The following FNDC3B variants were observed in gnomAD, a reference collection of about 807,000 sequenced individuals.
The protein encoded by FNDC3B is fibronectin type III domain-containing protein 3B.
In FNDC3B, 12 loss-of-function variants were observed where a neutral mutation model predicts 151.5. That is an observed-to-expected ratio of 0.08 (90% CI 0.05 to 0.13). FNDC3B has a LOEUF of 0.13. Ranked by LOEUF, FNDC3B falls within the 10% of genes least tolerant of loss-of-function variation. FNDC3B has a pLI of 1.00. For synonymous variants in FNDC3B, 528 were observed against 549.0 expected (o/e 0.96, Z 0.54); for missense variants, 1,214 against 1,505.3 (o/e 0.81, Z 3.20).
chr3:172,239,122 T>C (rs565169526), intron 4 of FNDC3B, among the ~76,000 whole-genome samples: 1 of 152,182 alleles, frequency 6.6e-6, no homozygotes, highest in Admixed American at 6.5e-5. Context: ...ACTGAAAGTC[T>C]TCTGTGTGCC....
chr3:172,269,435 AT>A (rs377668715), intron 6 of FNDC3B, among the ~76,000 whole-genome samples: 2,401 of 53,050 alleles, frequency 0.045, 36 homozygotes, highest in African/African-American at 0.19. Flanking sequence ...ATTAAAAAAA[AT>A]TTTTTTTTTT....
intron 9 of FNDC3B, among the ~76,000 whole-genome samples, chr3:172,300,478 C>A (rs542265518): frequency 2.0e-5 from 3 of 151,094 alleles, no homozygotes; most frequent in Admixed American, 6.6e-5. Context: ...TTTTTTTAAA[C>A]CCTTATTACA....
intron 1 of FNDC3B, among the ~76,000 whole-genome samples, chr3:172,090,829 T>G (rs957923979): frequency 6.6e-6 from 1 of 152,208 alleles, no homozygotes; most frequent in Non-Finnish European, 1.5e-5. Flanking sequence ...CTTTGTTTCA[T>G]GTATAATATT....
chr3:172,086,227 G>C (rs959204485), intron 1 of FNDC3B, among the ~76,000 whole-genome samples: 1 of 152,050 alleles, frequency 6.6e-6, no homozygotes, highest in East Asian at 1.9e-4. Context: ...GGGTATGGTG[G>C]CACACACCTG....
At chr3:172,134,442 A>G (rs987881242) in intron 3 of FNDC3B, 4 of 512,464 alleles carry the variant, frequency 7.8e-6, no homozygotes, top group African/African-American at 7.7e-5. Context: ...TGCAATTGAG[A>G]TCAGTATTAG....
chr3:172,171,196 C>A (rs1723263337), intron 3 of FNDC3B, among the ~76,000 whole-genome samples: 1 of 152,164 alleles, frequency 6.6e-6, no homozygotes, highest in African/African-American at 2.4e-5. Context: ...ACATGCCAGA[C>A]AAGTACATAA....
chr3:172,164,849 G>A (rs1292112921), intron 3 of FNDC3B, among the ~76,000 whole-genome samples: 1 of 152,152 alleles, frequency 6.6e-6, no homozygotes, highest in Admixed American at 6.5e-5. Context: ...ACAAATTACT[G>A]TGTTTATTTC....
At chr3:172,222,814 C>T (rs556183913) in intron 3 of FNDC3B, among the ~76,000 whole-genome samples, 6 of 152,238 alleles carry the variant, frequency 3.9e-5, no homozygotes, top group Admixed American at 6.5e-5. Flanking sequence ...GGGGATTGGG[C>T]GCCCCTGCTC....
intron 3 of FNDC3B, among the ~76,000 whole-genome samples, chr3:172,147,471 T>A (rs1721975302): frequency 6.6e-6 from 1 of 152,188 alleles, no homozygotes; most frequent in Non-Finnish European, 1.5e-5. Flanking sequence ...CTAGCTCGAA[T>A]GGTGTAGGTC....
At chr3:172,121,721 G>A (rs1720555501) in intron 2 of FNDC3B, among the ~76,000 whole-genome samples, 2 of 152,088 alleles carry the variant, frequency 1.3e-5, no homozygotes, top group Non-Finnish European at 2.9e-5. Context: ...TTTATTTAAA[G>A]CATTTATGTA....
rs771750047 is a variant in FNDC3B, at chr3:172,160,542, A to T, written c.187+26996A>T. ...ATACTGCTTTCCGAATTTCACTAAT[A>T]TTGGCCAGCTCCTTTTAGAGTTGCC... On this transcript the variant is annotated intron_variant, in intron 3 of 25. Transcript: ENST00000415807. Among the ~76,000 whole-genome samples the T allele has an allele frequency of 2.0e-5, 3 of 152,236 alleles. No homozygotes were observed. In the South Asian group the frequency reaches 6.2e-4, roughly 32 times the overall value.
chr3:172,362,303 G>C (rs1322724256), intron 22 of FNDC3B, among the ~76,000 whole-genome samples: 4 of 152,104 alleles, frequency 2.6e-5, no homozygotes, highest in Admixed American at 2.0e-4. Flanking sequence ...CTGACCATGA[G>C]GTAGCTAAAC....
intron 4 of FNDC3B, among the ~76,000 whole-genome samples, chr3:172,239,679 G>A (rs1250869377): frequency 1.3e-5 from 2 of 150,866 alleles, no homozygotes; most frequent in Non-Finnish European, 2.9e-5. Flanking sequence ...TCCAACAAGA[G>A]TAGAAGGAAA....
At chr3:172,367,274 G>C (rs1223913184) in intron 23 of FNDC3B, among the ~76,000 whole-genome samples, 2 of 15,138 alleles carry the variant, frequency 1.3e-4, no homozygotes, top group Non-Finnish European at 2.5e-4. Flanking sequence ...TTCAATCATC[G>C]ATTTTTTTTT....
rs550161093 is a variant in FNDC3B, at chr3:172,400,296, G to T, written c.*2821G>T. The T allele has an allele frequency of 2.6e-5, 4 of 152,558 alleles. No homozygotes were observed. Among genetic ancestry groups the T allele is most frequent in the Non-Finnish European group, 5.9e-5 (4 of 68,020 alleles). 9.5% of individuals were successfully genotyped at this position (152,558 alleles called of 1,614,324 possible). ...GTTGAAAAAGAAAACTTTTTAAAGA[G>T]ATTTTTTGCATATTCTCTGCCTTGT... On this transcript the variant is annotated 3_prime_UTR_variant, in exon 26 of 26. Coordinates refer to ENST00000415807, the MANE Select transcript of FNDC3B (RefSeq NM_022763.4).
At chr3:172,262,973 A>G (rs1276979669) in intron 6 of FNDC3B, among the ~76,000 whole-genome samples, 1 of 144,392 alleles carries the variant, frequency 6.9e-6, no homozygotes, top group African/African-American at 2.5e-5. Flanking sequence ...TTGCTGGGTT[A>G]GTATGCCTTT....
intron 9 of FNDC3B, among the ~76,000 whole-genome samples, chr3:172,306,715 G>A (rs1034087534): frequency 6.6e-6 from 1 of 152,166 alleles, no homozygotes; most frequent in Non-Finnish European, 1.5e-5. Context: ...GCAGTGTTGA[G>A]CCAAACATTT....
chr3:172,141,152 C>T (rs933511769), intron 3 of FNDC3B, among the ~76,000 whole-genome samples: 5 of 149,922 alleles, frequency 3.3e-5, no homozygotes, highest in Admixed American at 1.3e-4. Context: ...TTTTCCCCCC[C>T]CTAAATAGAT....
chr3:172,110,168 T>C (rs2108536721), intron 1 of FNDC3B, among the ~76,000 whole-genome samples: 1 of 152,300 alleles, frequency 6.6e-6, no homozygotes, highest in Non-Finnish European at 1.5e-5. Flanking sequence ...GTTGTTGGTG[T>C]TCAGACATTC....
Sources: gnomAD v4.1 joint callset for allele counts (sites outside exome capture counted in the v4.1 genomes callset) on GRCh38, gnomAD v4.1.1 for gene constraint, MANE v1.5 for transcripts, NCBI Gene and HGNC (gene_info 2026-07-23, HGNC 2026-07-21) for gene names.